The following KDM2A variants were observed in gnomAD, a reference collection of about 807,000 sequenced individuals.
The protein encoded by KDM2A is lysine-specific demethylase 2A.
Under a neutral mutation model 137.3 loss-of-function variants are expected in KDM2A, and 3 were observed. The ratio of observed to expected loss-of-function variants is 0.02; its 90% CI spans 0.01 to 0.06. The LOEUF is 0.06. KDM2A is among the 10% of genes least tolerant of loss of function. KDM2A has a pLI of 1.00. For synonymous variants in KDM2A, 512 were observed against 541.5 expected (o/e 0.95, Z 0.76); for missense variants, 738 against 1,510.6 (o/e 0.49, Z 8.48).
At chr11:67,233,392 G>A (rs555690374) in intron 12 of KDM2A, among the ~76,000 whole-genome samples, 10 of 143,324 alleles carry the variant, frequency 7.0e-5, no homozygotes, top group South Asian at 4.8e-4. Context: ...GATGTCTCAT[G>A]CCTGTAATCC....
chr11:67,207,387 C>T, intron 5 of KDM2A, 123 bp from the exon 6 acceptor site: 2 of 647,712 alleles, frequency 3.1e-6, no homozygotes, highest in African/African-American at 1.8e-5. Flanking sequence ...AGAACTTTTT[C>T]CTTGTGTATT....
At chr11:67,171,579 T>C (rs1856883637) in intron 2 of KDM2A, among the ~76,000 whole-genome samples, 1 of 152,220 alleles carries the variant, frequency 6.6e-6, no homozygotes, top group Non-Finnish European at 1.5e-5. Flanking sequence ...TTAGACACAT[T>C]TGCTTTTTTG....
chr11:67,236,404 A>T (rs1424576706), intron 12 of KDM2A, among the ~76,000 whole-genome samples: 1 of 152,246 alleles, frequency 6.6e-6, no homozygotes, highest in African/African-American at 2.4e-5. Context: ...TGCTAGGATT[A>T]TAGGCATGAG....
At chr11:67,201,813 T>C (rs1390070517) in intron 5 of KDM2A, among the ~76,000 whole-genome samples, 1 of 127,662 alleles carries the variant, frequency 7.8e-6, no homozygotes, top group Non-Finnish European at 1.6e-5. Context: ...AAATTAGCCA[T>C]GCTTGGTGGT....
Position 67,121,217 on chromosome 11 carries a change from A to G in KDM2A, c.-83-17A>G, listed in dbSNP as rs1350648665. On this transcript the variant is annotated splice_polypyrimidine_tract_variant and intron_variant, in intron 1 of 20. Transcript: ENST00000529006. ...TGAGAATGAGTTCTCATTTCTGCTT[A>G]TATCATTATTCTTTAGTGTTGCAAT... is the stretch of plus-strand genomic sequence containing the variant. 2 of 825,232 alleles carry G rather than the reference A, an allele frequency of 2.4e-6. No individual in the cohort carries two copies. Among genetic ancestry groups the G allele is most frequent in the African/African-American group, 3.4e-5 (2 of 58,742 alleles). The allele number at this position is 825,232 out of a possible 1,614,324, so 51.1% of individuals were successfully genotyped here. A position where few individuals can be genotyped will look rare whatever the true frequency, so the allele number is the denominator to read the frequency against.
chr11:67,215,813 TTTTTC>T, intron 7 of KDM2A, 38 bp from the exon 8 acceptor site: 1 of 1,488,528 alleles, frequency 6.7e-7, no homozygotes. Context: ...CAGATGTACT[TTTTTC>T]CATCAGTACA....
intron 2 of KDM2A, among the ~76,000 whole-genome samples, chr11:67,151,596 C>T (rs1856392272): frequency 6.6e-6 from 1 of 151,984 alleles, no homozygotes; most frequent in African/African-American, 2.4e-5. Context: ...GGTGATCTGC[C>T]CACCTCCACC....
intron 12 of KDM2A, among the ~76,000 whole-genome samples, chr11:67,241,106 A>G (rs1358592403): frequency 6.6e-6 from 1 of 152,196 alleles, no homozygotes; most frequent in Non-Finnish European, 1.5e-5. Flanking sequence ...TGGACAGCTC[A>G]GTTCACTTCA....
intron 5 of KDM2A, among the ~76,000 whole-genome samples, chr11:67,194,003 C>T (rs1857420459): frequency 6.6e-6 from 1 of 152,204 alleles, no homozygotes; most frequent in African/African-American, 2.4e-5. Context: ...CTCACTGCAC[C>T]TGTCCACCAT....
In KDM2A at chr11:67,254,545, T is replaced by C. The variant is rs1258313255; in HGVS notation, c.3307+127T>C. ...CCACATCAGCTCATTTCTTCACATC[T>C]GGACAAGGACATGGATTTCTATCCC... On this transcript the variant is annotated intron_variant, in intron 20 of 20. Transcript: ENST00000529006. The surrounding 1 kb of genome is among the most constrained non-coding windows in gnomAD (Gnocchi z 4.7). 13 of 807,810 alleles carry C rather than the reference T, an allele frequency of 1.6e-5. No homozygotes were observed. Among genetic ancestry groups the C allele is most frequent in the Non-Finnish European group, 2.7e-5 (13 of 487,704 alleles). The allele number at this position is 807,810 out of a possible 1,614,324, so 50.0% of individuals were successfully genotyped here.
Position 67,155,426 on chromosome 11 carries a change from A to C in KDM2A, c.43-24653A>C, listed in dbSNP as rs551427544. On this transcript the variant is annotated intron_variant, in intron 2 of 20. Coordinates refer to ENST00000529006, the MANE Select transcript of KDM2A (RefSeq NM_012308.3). The stretch of plus-strand genomic sequence containing the variant: ...TAGGCTCAAGCGATTATCCTGTCTC[A>C]GCCTCCTGCGTATCTGGGGCTGTAG... Among the ~76,000 whole-genome samples, 53 of 151,542 alleles carry C rather than the reference A, an allele frequency of 3.5e-4. No individual in the cohort carries two copies. In the Middle Eastern group the frequency reaches 0.01, roughly 29 times the overall value.
At chr11:67,213,233 C>A (rs1235463317) in intron 6 of KDM2A, among the ~76,000 whole-genome samples, 1 of 152,134 alleles carries the variant, frequency 6.6e-6, no homozygotes, top group Non-Finnish European at 1.5e-5. Flanking sequence ...AGTAAGTGAT[C>A]AAATACGTAG....
At chr11:67,252,577 A>G (rs1859464007) in intron 17 of KDM2A, 117 bp from the exon 18 acceptor site, 1 of 1,132,744 alleles carries the variant, frequency 8.8e-7, no homozygotes, top group Non-Finnish European at 1.3e-6. Flanking sequence ...ATCCCTGTAC[A>G]CTTGTAGAAG....
intron 2 of KDM2A, among the ~76,000 whole-genome samples, chr11:67,129,894 G>C (rs1855814232): frequency 1.4e-5 from 2 of 142,598 alleles, no homozygotes; most frequent in Non-Finnish European, 3.0e-5. Context: ...CTGGGCGACA[G>C]AGACTCTGTC....
chr11:67,255,954 C>T lies in KDM2A; in HGVS notation c.*899C>T. 1 of 212,876 alleles carries T rather than the reference C, an allele frequency of 4.7e-6. No homozygotes were observed. The highest frequency in any genetic ancestry group is 5.4e-5 in the Admixed American group (1 of 18,624). 13.2% of individuals were successfully genotyped at this position (212,876 alleles called of 1,614,324 possible). A position where few individuals can be genotyped will look rare whatever the true frequency, so the allele number is the denominator to read the frequency against. ...GGATGCACGTCCTCAGAGGGAGCAG[C>T]CTATCTCCCCCAAGCTGGAGGCGGC... On this transcript the variant is annotated 3_prime_UTR_variant, in exon 21 of 21. Coordinates refer to ENST00000529006, the MANE Select transcript of KDM2A (RefSeq NM_012308.3).
At chr11:67,123,300 T>TG (rs1855641711) in intron 2 of KDM2A, among the ~76,000 whole-genome samples, 1 of 131,308 alleles carries the variant, frequency 7.6e-6, no homozygotes, top group Non-Finnish European at 1.5e-5. Context: ...TTTTTTTTTT[T>TG]TGTGACTGCT....
At chr11:67,160,782 A>C (rs1856616695) in intron 2 of KDM2A, among the ~76,000 whole-genome samples, 1 of 151,932 alleles carries the variant, frequency 6.6e-6, no homozygotes, top group Non-Finnish European at 1.5e-5. Context: ...AAAAAAAACA[A>C]CAAAAAAAAA....
In KDM2A at chr11:67,245,225, A is replaced by T. The variant is rs1233212831; in HGVS notation, c.1600A>T (p.Thr534Ser). ...FPTRPKVRVP[T>S]IPITKPHTMK... ...CACTCGGCCAAAGGTGCGGGTTCCTACCATCCCCATTACGAAGCCTCACAC... is the reference window on the plus strand; with the variant it reads ...CACTCGGCCAAAGGTGCGGGTTCCTTCCATCCCCATTACGAAGCCTCACAC... The change falls in exon 14 of 21, where the codon ACC becomes TCC. Residue 534 changes from threonine to serine, a missense_variant. Around this residue, in one of 9 missense-constraint regions of KDM2A, gnomAD observed 71 missense variants for 147.9 expected, o/e 0.48. Coordinates refer to ENST00000529006, the MANE Select transcript of KDM2A (RefSeq NM_012308.3). This position sits in a 1 kb window ranked among gnomAD's most constrained non-coding sequence, Gnocchi z 4.1. 6.2e-7 allele frequency: 1 copy of T among 1,613,806 alleles called. No individual in the cohort carries two copies. The highest frequency in any genetic ancestry group is 1.7e-5 in the Admixed American group (1 of 60,000).
intron 2 of KDM2A, among the ~76,000 whole-genome samples, chr11:67,178,615 AT>A (rs1456621077): frequency 6.6e-6 from 1 of 152,058 alleles, no homozygotes; most frequent in East Asian, 1.9e-4. Context: ...TATTCTAGAC[AT>A]TTTATTTAAA....
Sources: gnomAD v4.1 joint callset for allele counts (sites outside exome capture counted in the v4.1 genomes callset) on GRCh38, gnomAD v4.1.1 for gene constraint, gnomAD v4.1.1 regional missense constraint, Gnocchi (gnomAD v3.1) non-coding constraint, MANE v1.5 for transcripts, NCBI Gene and HGNC (gene_info 2026-07-23, HGNC 2026-07-21) for gene names.